The following MRPL50 variants were observed in gnomAD, a reference collection of about 807,000 sequenced individuals.
MRPL50 encodes the protein large ribosomal subunit protein mL50.
A neutral mutation model predicts 16.2 loss-of-function variants in MRPL50; 10 were observed. The observed-to-expected ratio is 0.62, with a 90% CI of 0.38 to 1.05. The LOEUF is 1.05. MRPL50 is among the 50% of genes least tolerant of loss of function. MRPL50 has a pLI of 0.01. For synonymous variants in MRPL50, 68 were observed against 66.8 expected (o/e 1.02, Z -0.09); for missense variants, 213 against 187.1 (o/e 1.14, Z -0.81).
chr9:101,388,559 C>G lies in MRPL50; in HGVS notation c.*1907G>C, dbSNP rs868397201. The G allele has an allele frequency of 6.6e-6, 1 of 152,110 alleles. No individual in the cohort carries two copies. The highest frequency in any genetic ancestry group is 2.1e-4 in the South Asian group (1 of 4,828). The allele number at this position is 152,110 out of a possible 1,614,324, so 9.4% of individuals were successfully genotyped here. A position where few individuals can be genotyped will look rare whatever the true frequency, so the allele number is the denominator to read the frequency against. On this transcript the variant is annotated 3_prime_UTR_variant, in exon 2 of 2. Transcript: ENST00000374865. The stretch of plus-strand genomic sequence containing the variant: ...AAAATTACATCATATGTTTGATTAT[C>G]TCATTCAACAACAGCAAGCCTAATT...
chr9:101,397,006 G>A (rs992552167), intron 1 of MRPL50, among the ~76,000 whole-genome samples: 1 of 152,088 alleles, frequency 6.6e-6, no homozygotes, highest in Non-Finnish European at 1.5e-5. Flanking sequence ...ACCAGGGGTG[G>A]CGGAAATGAA....
chr9:101,389,708 A>G lies in MRPL50; in HGVS notation c.*758T>C. 3.5e-6 allele frequency: 1 copy of G among 286,186 alleles called. No individual in the cohort carries two copies. Among genetic ancestry groups the G allele is most frequent in the South Asian group, 3.3e-5 (1 of 30,462 alleles). The allele number at this position is 286,186 out of a possible 1,614,324, so 17.7% of individuals were successfully genotyped here. On this transcript the variant is annotated 3_prime_UTR_variant, in exon 2 of 2. Coordinates refer to ENST00000374865, the MANE Select transcript of MRPL50 (RefSeq NM_019051.3). ...TAATTTCCACAAATTGAGTGCATTA[A>G]AGCACAAAGACTTGCCACTCTAGTG...
At chr9:101,393,990 C>CAAAAAAAAAAAAAA (rs76598460) in intron 1 of MRPL50, among the ~76,000 whole-genome samples, 2 of 66,470 alleles carry the variant, frequency 3.0e-5, no homozygotes, top group African/African-American at 5.1e-5. Flanking sequence ...TAATGCTAAG[C>CAAAAAAAAAAAAAA]AAAAAAAAAA....
intron 1 of MRPL50, among the ~76,000 whole-genome samples, chr9:101,398,125 T>C (rs948532770): frequency 1.3e-5 from 2 of 152,230 alleles, no homozygotes; most frequent in Non-Finnish European, 2.9e-5. Context: ...ACTTCATTAC[T>C]GAACCTTGCT....
chr9:101,394,045 AC>A (rs140612667), intron 1 of MRPL50, among the ~76,000 whole-genome samples: 5,027 of 151,476 alleles, frequency 0.033, 277 homozygotes, highest in African/African-American at 0.12. Context: ...CTTGCTTCTA[AC>A]CTTTAAGCTG....
At chr9:101,393,894 C>G (rs1372461944) in intron 1 of MRPL50, among the ~76,000 whole-genome samples, 3 of 139,860 alleles carry the variant, frequency 2.1e-5, no homozygotes, top group East Asian at 4.6e-4. Context: ...TAATCTTTAT[C>G]AAAATACCAA....
Position 101,389,902 on chromosome 9 carries a change from A to T in MRPL50, c.*564T>A. On this transcript the variant is annotated 3_prime_UTR_variant, in exon 2 of 2. Coordinates refer to ENST00000374865, the MANE Select transcript of MRPL50 (RefSeq NM_019051.3). ...TTCTAATTTTTTCAAAATTATACTT[A>T]CTGGAAAGAAATGGCAAGGCAGAGC... 1 of 655,898 alleles carries T rather than the reference A, an allele frequency of 1.5e-6. No homozygotes were observed. Among genetic ancestry groups the T allele is most frequent in the Non-Finnish European group, 1.9e-6 (1 of 529,058 alleles). The allele number at this position is 655,898 out of a possible 1,614,324, so 40.6% of individuals were successfully genotyped here.
rs3739718 is a variant in MRPL50, at chr9:101,390,361, A to G, written c.*105T>C. On this transcript the variant is annotated 3_prime_UTR_variant, in exon 2 of 2. Transcript: ENST00000374865. ...TCTACAGAAAAAGTGGGTTTAGAGA[A>G]CAGTTCTGGTAGTATTTCACATGGT... 8.2e-3 allele frequency: 12,027 copies of G among 1,475,026 alleles called. 485 individuals carry two copies. The South Asian group carries it at 0.091, about 11-fold the overall frequency. 91.4% of individuals were successfully genotyped at this position (1,475,026 alleles called of 1,614,324 possible).
chr9:101,397,491 T>G (rs35472309), intron 1 of MRPL50, among the ~76,000 whole-genome samples: 9,394 of 152,254 alleles, frequency 0.062, 344 homozygotes, highest in Middle Eastern at 0.14. Context: ...CATTACACAT[T>G]TGTTCATTTC....
chr9:101,390,992 C>T, intron 1 of MRPL50, 142 bp from the exon 2 acceptor site: 1 of 896,604 alleles, frequency 1.1e-6, no homozygotes, highest in South Asian at 1.8e-5. Flanking sequence ...TATGGTAGGC[C>T]CCTGCCCTTA....
At chr9:101,393,151 A>G (rs997463968) in intron 1 of MRPL50, among the ~76,000 whole-genome samples, 2 of 152,172 alleles carry the variant, frequency 1.3e-5, no homozygotes, top group African/African-American at 4.8e-5. Flanking sequence ...ATACATTTCA[A>G]CATCCTTTCA....
chr9:101,398,551 G>T lies in MRPL50; in HGVS notation c.42C>A (p.Phe14Leu). The stretch of plus-strand genomic sequence containing the variant: ...ATGGTGTCCCTGAGACTGTCCACAT[G>T]AAGACTCTTCTGGTAATGCCCGACA... ...RSVSGITRRV[F>L]MWTVSGTPCR... The change falls in exon 1 of 2, where the codon TTC becomes TTA. Residue 14 changes from phenylalanine (F) to leucine (L), a missense_variant. Physicochemically the swap from Phe to Leu is conservative, Grantham distance 22 (BLOSUM62 0). Coordinates refer to ENST00000374865, the MANE Select transcript of MRPL50 (RefSeq NM_019051.3). The T allele has an allele frequency of 3.7e-6, 6 of 1,614,064 alleles. No individual in the cohort carries two copies. The highest frequency in any genetic ancestry group is 4.2e-6 in the Non-Finnish European group (5 of 1,180,024).
At chr9:101,392,070 G>C (rs1830280684) in intron 1 of MRPL50, among the ~76,000 whole-genome samples, 2 of 152,000 alleles carry the variant, frequency 1.3e-5, no homozygotes, top group African/African-American at 2.4e-5. Context: ...AATGACCAAT[G>C]AGTCAATGAT....
chr9:101,394,443 C>T (rs1830314793), intron 1 of MRPL50, among the ~76,000 whole-genome samples: 1 of 152,100 alleles, frequency 6.6e-6, no homozygotes, highest in South Asian at 2.1e-4. Flanking sequence ...TCACTTAGAC[C>T]CCCTATGATT....
Position 101,388,173 on chromosome 9 carries a change from A to AT in MRPL50, c.*2292dup, listed in dbSNP as rs1357025928. Reference sequence around the variant, plus strand: ...CCAGACTTACCAAATCAGAATTTGCATTTTTAAAAGATCCCCACATGAAAA... The same window carrying AT: ...CCAGACTTACCAAATCAGAATTTGCATTTTTTAAAAGATCCCCACATGAAAA... On this transcript the variant is annotated 3_prime_UTR_variant, in exon 2 of 2. Coordinates refer to ENST00000374865, the MANE Select transcript of MRPL50 (RefSeq NM_019051.3). 1 of 152,102 alleles carries AT rather than the reference A, an allele frequency of 6.6e-6. No homozygotes were observed. The highest frequency in any genetic ancestry group is 1.9e-4 in the East Asian group (1 of 5,194). The allele number at this position is 152,102 out of a possible 1,614,324, so 9.4% of individuals were successfully genotyped here. A position where few individuals can be genotyped will look rare whatever the true frequency, so the allele number is the denominator to read the frequency against.
rs1437596571 is a variant in MRPL50, at chr9:101,388,051, G to C, written c.*2415C>G. ...TAAATTTACCAAGACTGTTGTTTCA[G>C]GTGGCAGTACTTGTCTCCCACCTCA... On this transcript the variant is annotated 3_prime_UTR_variant, in exon 2 of 2. Coordinates refer to ENST00000374865, the MANE Select transcript of MRPL50 (RefSeq NM_019051.3). 1 of 151,944 alleles carries C rather than the reference G, an allele frequency of 6.6e-6. No individual in the cohort carries two copies. Among genetic ancestry groups the C allele is most frequent in the East Asian group, 1.9e-4 (1 of 5,186 alleles). The allele number at this position is 151,944 out of a possible 1,614,324, so 9.4% of individuals were successfully genotyped here. A position where few individuals can be genotyped will look rare whatever the true frequency, so the allele number is the denominator to read the frequency against.
chr9:101,398,415 G>T, intron 1 of MRPL50, 86 bp downstream of exon 1: 1 of 1,310,636 alleles, frequency 7.6e-7, no homozygotes. Context: ...GCGGGACCAC[G>T]ATGGCGTAAC....
Position 101,398,516 on chromosome 9 carries a change from A to C in MRPL50, c.77T>G (p.Phe26Cys), listed in dbSNP as rs1830401701. The change falls in exon 1 of 2, where the codon TTT becomes TGT. Residue 26 changes from phenylalanine to cysteine, a missense_variant. Transcript: ENST00000374865. ...WTVSGTPCRE[F>C]WSRFRKEKEP... is the part of the protein sequence containing the mutation. ...AAAGCTTTACCTGAATCGAGACCAAAATTCTCTACATGGTGTCCCTGAGAC... is the reference window on the plus strand; with the variant it reads ...AAAGCTTTACCTGAATCGAGACCAACATTCTCTACATGGTGTCCCTGAGAC... The C allele has an allele frequency of 4.3e-6, 7 of 1,613,798 alleles. No homozygotes were observed. In the South Asian group the frequency reaches 6.6e-5, roughly 15 times the overall value.
rs878863583 is a variant in MRPL50 at position 101,390,510 on chromosome 9, C to T, written c.433G>A (p.Ala145Thr). Residue 145 changes from alanine (A) to threonine (T), a missense_variant, in exon 2 of 2, where the codon GCC becomes ACC. Ala to Thr is a moderately conservative substitution (Grantham distance 58). Transcript: ENST00000374865. ...QDRSKFDELS[A>T]SNLPPNLKIT... Reference sequence around the variant, plus strand: ...TTCAAATTGGGGGGCAGATTACTGGCACTGAGTTCATCAAATTTAGATCTA... The same window carrying T: ...TTCAAATTGGGGGGCAGATTACTGGTACTGAGTTCATCAAATTTAGATCTA... The T allele has an allele frequency of 6.2e-7, 1 of 1,612,806 alleles. No individual in the cohort carries two copies. The highest frequency in any genetic ancestry group is 1.1e-5 in the South Asian group (1 of 90,870).
Sources: gnomAD v4.1 joint callset for allele counts (sites outside exome capture counted in the v4.1 genomes callset) on GRCh38, gnomAD v4.1.1 for gene constraint, MANE v1.5 for transcripts, NCBI Gene and HGNC (gene_info 2026-07-23, HGNC 2026-07-21) for gene names.